The following ACBD5 variants were observed in gnomAD, a reference collection of about 807,000 sequenced individuals.
ACBD5 encodes the protein acyl-CoA-binding domain-containing protein 5.
A neutral mutation model predicts 71.8 loss-of-function variants in ACBD5; 40 were observed. The ratio of observed to expected loss-of-function variants is 0.56; its 90% confidence interval spans 0.43 to 0.72. ACBD5 has a LOEUF of 0.72. Among genes scored for constraint, ACBD5 ranks in the 30% least tolerant of loss-of-function variants. The pLI is 0.00. For missense variants in ACBD5, 559 were observed against 644.5 expected (o/e 0.87, Z 1.44); for synonymous variants, 229 against 218.6 (o/e 1.05, Z -0.42).
chr10:27,220,816 T>C (rs1455826855), intron 5 of ACBD5, among the ~76,000 whole-genome samples: 2 of 152,130 alleles, frequency 1.3e-5, no homozygotes, highest in East Asian at 1.9e-4. Context: ...ATTCTGAAAA[T>C]GGCAATGTAA....
intron 13 of ACBD5, among the ~76,000 whole-genome samples, chr10:27,187,509 T>G (rs552576992): frequency 1.3e-5 from 2 of 152,190 alleles, no homozygotes; most frequent in South Asian, 4.2e-4. Flanking sequence ...CCCGGCACTT[T>G]GGGAGGCTGA....
At chr10:27,226,696 G>A (rs2063081565) in intron 4 of ACBD5, among the ~76,000 whole-genome samples, 1 of 151,378 alleles carries the variant, frequency 6.6e-6, no homozygotes, top group Non-Finnish European at 1.5e-5. Flanking sequence ...CTGTCGCACA[G>A]GCTGGAGTGC....
intron 2 of ACBD5, among the ~76,000 whole-genome samples, chr10:27,237,531 C>A (rs1351986281): frequency 1.3e-5 from 2 of 151,704 alleles, no homozygotes. Context: ...TCCATTATAA[C>A]AAACTTCTGC....
chr10:27,207,538 C>T (rs897432961), intron 10 of ACBD5, among the ~76,000 whole-genome samples: 4 of 152,092 alleles, frequency 2.6e-5, no homozygotes, highest in Admixed American at 2.0e-4. Context: ...CAGCATGATG[C>T]TTCAATGCTG....
rs766185402 is a variant in ACBD5 at position 27,219,809 on chromosome 10, C to A, written c.539G>T (p.Gly180Val). Reference protein sequence around the residue: ...TSTPNAKTVNGKAESSDSGAE... With the variant: ...TSTPNAKTVNVKAESSDSGAE... ...TCCACTGTCACTGCTTTCAGCTTTA[C>A]CATTAACGGTTTTGGCGTTTGGAGT... Residue 180 changes from glycine to valine, a missense_variant, in exon 6 of 13, where the codon GGT becomes GTT. By Grantham distance (109) the Gly-to-Val change is moderately radical. Transcript: ENST00000396271. 3 of 1,614,026 alleles carry A rather than the reference C, an allele frequency of 1.9e-6. No homozygotes were observed. Among genetic ancestry groups the A allele is most frequent in the Non-Finnish European group, 2.5e-6 (3 of 1,179,988 alleles).
In ACBD5 at chr10:27,222,089, C is replaced by T. The variant is rs540708481; in HGVS notation, c.490+1249G>A. Among the ~76,000 whole-genome samples the T allele has an allele frequency of 3.3e-5, 5 of 152,066 alleles. No individual in the cohort carries two copies. The South Asian group carries it at 1.0e-3, about 32-fold the overall frequency. On this transcript the variant is annotated intron_variant, in intron 5 of 12. Coordinates refer to ENST00000396271, the MANE Select transcript of ACBD5 (RefSeq NM_145698.5). ...CAGTAAGCAGTCAGTACTACTTGCACGTGGTTTATGACCGTGACAAGGACC... is the reference window on the plus strand; with the variant it reads ...CAGTAAGCAGTCAGTACTACTTGCATGTGGTTTATGACCGTGACAAGGACC...
Position 27,222,984 on chromosome 10 carries a change from C to T in ACBD5, c.490+354G>A, listed in dbSNP as rs574838938. Among the ~76,000 whole-genome samples the T allele has an allele frequency of 2.0e-5, 3 of 152,240 alleles. No homozygotes were observed. The East Asian group carries it at 5.8e-4, about 29-fold the overall frequency. ...TATCAAAATAAAACCATGAATTCTG[C>T]TATAATTTCGAATATACTAAGTAAA... is the stretch of plus-strand genomic sequence containing the variant. On this transcript the variant is annotated intron_variant, in intron 5 of 12. Transcript: ENST00000396271.
At chr10:27,211,384 G>A (rs1484998092) in intron 8 of ACBD5, among the ~76,000 whole-genome samples, 1 of 152,072 alleles carries the variant, frequency 6.6e-6, no homozygotes, top group South Asian at 2.1e-4. Context: ...TCACTGGCAC[G>A]ATCTCGGCTC....
chr10:27,218,055 T>C lies in ACBD5; in HGVS notation c.754A>G (p.Arg252Gly). ...ATGGGCTTTACTTCTTCAGTGCTTC[T>C]GCCATTCAGGGAAGAACTGGCATGA... ...DIHASSSLNG[R>G]STEEVKPIDE... is the part of the protein sequence containing the mutation. Residue 252 changes from arginine to glycine, a missense_variant, in exon 7 of 13, where the codon AGA becomes GGA. Arg to Gly is a moderately radical substitution (Grantham distance 125). Transcript: ENST00000396271. The C allele has an allele frequency of 6.2e-7, 1 of 1,614,212 alleles. No individual in the cohort carries two copies. Among genetic ancestry groups the C allele is most frequent in the Non-Finnish European group, 8.5e-7 (1 of 1,180,026 alleles).
intron 12 of ACBD5, among the ~76,000 whole-genome samples, chr10:27,201,416 T>A (rs959368264): frequency 5.3e-5 from 8 of 152,224 alleles, no homozygotes; most frequent in African/African-American, 1.9e-4. Flanking sequence ...AAATCTCTTT[T>A]ACTTTTAAAT....
chr10:27,223,570 A>G (rs1422448353), intron 4 of ACBD5, 118 bp from the exon 5 acceptor site: 1 of 791,806 alleles, frequency 1.3e-6, no homozygotes, highest in Non-Finnish European at 2.1e-6. Flanking sequence ...CATTCATAAT[A>G]GACTCTCTGA....
At position 27,235,136 on chromosome 10, in the gene ACBD5, T is replaced by A. The variant is rs372800695; in HGVS notation, c.258A>T (p.Lys86Asn). The change falls in exon 3 of 13, where the codon AAA (lysine) becomes AAT (asparagine). Residue 86 changes from lysine to asparagine, a missense_variant. By Grantham distance (94) the Lys-to-Asn change is moderately conservative (BLOSUM62 0). Coordinates refer to ENST00000396271, the MANE Select transcript of ACBD5 (RefSeq NM_145698.5). ...GATCCCAAAATCCAGGCCTTGAAAG[T>A]TTACAGGGTCCTTCAGTTGCCTGCT... Reference protein sequence around the residue: ...FYKQATEGPCKLSRPGFWDPI... With the variant: ...FYKQATEGPCNLSRPGFWDPI... 2.9e-5 allele frequency: 46 copies of A among 1,614,016 alleles called. No individual in the cohort carries two copies. In the African/African-American group the frequency reaches 5.6e-4, roughly 20 times the overall value.
rs529966225 is a variant in ACBD5, at chr10:27,189,628, G to A, written c.1494-6913C>T. On this transcript the variant is annotated intron_variant, in intron 13 of 13. Transcript: ENST00000676511. ...CACACACTGGGGCCTGTTGTGGGGT[G>A]GGGGGGAGGGATAGCATTAGGAGAT... Among the ~76,000 whole-genome samples the A allele has an allele frequency of 1.8e-3, 229 of 126,906 alleles. 5 individuals are homozygous for A. The highest frequency in any genetic ancestry group is 6.3e-3 in the African/African-American group (214 of 33,804). 83.3% of individuals were successfully genotyped at this position (126,906 alleles called of 152,430 possible). A position where few individuals can be genotyped will look rare whatever the true frequency, so the allele number is the denominator to read the frequency against.
chr10:27,189,516 G>T (rs536927980), intron 13 of ACBD5, among the ~76,000 whole-genome samples: 2 of 150,802 alleles, frequency 1.3e-5, no homozygotes, highest in African/African-American at 2.4e-5. Context: ...GCAAACTATC[G>T]CAAGGATAAA....
intron 6 of ACBD5, 35 bp downstream of exon 6, chr10:27,219,688 A>T: frequency 6.2e-7 from 1 of 1,611,968 alleles, no homozygotes. Flanking sequence ...TAGTTTATTT[A>T]TTGCAAAATT....
intron 4 of ACBD5, among the ~76,000 whole-genome samples, chr10:27,228,815 A>ATATATATATATTTT (rs1554856598): frequency 2.0e-4 from 4 of 20,366 alleles, no homozygotes; most frequent in Non-Finnish European, 2.5e-4. Context: ...ATATATATAT[A>ATATATATATATTTT]TTTTTTTTTT....
At chr10:27,231,704 A>T (rs1405795060) in intron 4 of ACBD5, 44 bp downstream of exon 4, 1 of 1,552,192 alleles carries the variant, frequency 6.4e-7, no homozygotes, top group Non-Finnish European at 8.9e-7. Context: ...ATTAAATTAG[A>T]GCTGCTCTGA....
intron 11 of ACBD5, among the ~76,000 whole-genome samples, chr10:27,204,911 A>G (rs1230317297): frequency 6.6e-6 from 1 of 152,154 alleles, no homozygotes; most frequent in Non-Finnish European, 1.5e-5. Flanking sequence ...GCAGATCACG[A>G]GGTCAGGAGA....
At chr10:27,222,642 C>G (rs181186530) in intron 5 of ACBD5, among the ~76,000 whole-genome samples, 61 of 151,496 alleles carry the variant, frequency 4.0e-4, no homozygotes, top group African/African-American at 1.4e-3. Flanking sequence ...GTGATCTCGT[C>G]TCACTGCAAA....
Sources: allele counts gnomAD v4.1 joint callset (sites outside exome capture counted in the v4.1 genomes callset), GRCh38; gene constraint gnomAD v4.1.1; transcripts MANE v1.5; gene names NCBI Gene and HGNC (gene_info 2026-07-23, HGNC 2026-07-21).